The following NEK11 variants were observed in gnomAD, a reference collection of about 807,000 sequenced individuals.
The protein encoded by NEK11 is serine/threonine-protein kinase Nek11.
Under a neutral mutation model 80.7 loss-of-function variants are expected in NEK11, and 72 were observed. The ratio of observed to expected loss-of-function variants is 0.89; its 90% CI spans 0.74 to 1.08. The LOEUF is 1.08. Ranked by LOEUF, NEK11 falls within the 50% of genes least tolerant of loss-of-function variation. NEK11 has a pLI of 0.00. For synonymous variants in NEK11, 251 were observed against 260.7 expected, an observed-to-expected ratio of 0.96 and a Z score of 0.36; for missense variants, 764 against 763.6, an observed-to-expected ratio of 1.00 and a Z score of -0.01.
chr3:131,047,142 A>G (rs2067523709), intron 3 of NEK11, among the ~76,000 whole-genome samples: 1 of 152,068 alleles, frequency 6.6e-6, no homozygotes, highest in South Asian at 2.1e-4. Flanking sequence ...GTATCACTTT[A>G]TTATGTATTC....
At chr3:131,100,164 T>C (rs1402660389) in intron 4 of NEK11, among the ~76,000 whole-genome samples, 1 of 152,210 alleles carries the variant, frequency 6.6e-6, no homozygotes, top group African/African-American at 2.4e-5. Flanking sequence ...GTTTTTATCA[T>C]GGATGTTGGA....
chr3:131,279,410 GC>G (rs2096359082), intron 17 of NEK11, among the ~76,000 whole-genome samples: 1 of 152,080 alleles, frequency 6.6e-6, no homozygotes, highest in Non-Finnish European at 1.5e-5. Context: ...TAATTTACAT[GC>G]AGCAAAACTC....
intron 17 of NEK11, among the ~76,000 whole-genome samples, chr3:131,334,531 G>T (rs1443431264): frequency 6.6e-6 from 1 of 150,596 alleles, no homozygotes; most frequent in Non-Finnish European, 1.5e-5. Flanking sequence ...ATCCAAAATT[G>T]ACACCCTAAC....
chr3:131,210,488 T>C (rs554230088), intron 14 of NEK11, among the ~76,000 whole-genome samples: 1 of 152,332 alleles, frequency 6.6e-6, no homozygotes, highest in African/African-American at 2.4e-5. Context: ...GTCTATTAGG[T>C]CTGCTTGGTG....
intron 14 of NEK11, among the ~76,000 whole-genome samples, chr3:131,195,684 G>T (rs1213884347): frequency 6.6e-6 from 1 of 151,752 alleles, no homozygotes; most frequent in Non-Finnish European, 1.5e-5. Context: ...GGTCCCCGGA[G>T]TTGTACCATG....
At chr3:131,109,368 T>G (rs2079699526) in intron 4 of NEK11, 1 of 152,544 alleles carries the variant, frequency 6.6e-6, no homozygotes, top group Admixed American at 6.6e-5. Context: ...CCCTGTAAAC[T>G]CATGTGGGTT....
chr3:131,126,886 T>C (rs1010141609), intron 5 of NEK11, among the ~76,000 whole-genome samples: 1 of 151,960 alleles, frequency 6.6e-6, no homozygotes, highest in African/African-American at 2.4e-5. Context: ...TTTATATATA[T>C]ATTAGAACTT....
rs536652255 is a variant in NEK11, at chr3:131,338,275, T to TTG, written c.1719-11281_1719-11280insGT. On this transcript the variant is annotated intron_variant, in intron 17 of 17. Coordinates refer to ENST00000383366, the MANE Select transcript of NEK11 (RefSeq NM_024800.5). Reference sequence around the variant, plus strand: ...CCACGGCGCCCAGCTGGTTTTTTTTTTTTTTTTTTTTTTTTTAATACTAAG... The same window carrying TTG: ...CCACGGCGCCCAGCTGGTTTTTTTTTTGTTTTTTTTTTTTTTTTAATACTAAG... 1.9e-3 allele frequency among the ~76,000 whole-genome samples: 280 copies of TTG among 148,184 alleles called. 2 individuals carry two copies. Among genetic ancestry groups the TTG allele is most frequent in the African/African-American group, 6.7e-3 (270 of 40,174 alleles).
chr3:131,235,688 A>G (rs2095419302), intron 15 of NEK11, among the ~76,000 whole-genome samples: 1 of 152,156 alleles, frequency 6.6e-6, no homozygotes, highest in South Asian at 2.1e-4. Context: ...AACCCTTTAC[A>G]TGCCTTATCC....
intron 3 of NEK11, among the ~76,000 whole-genome samples, chr3:131,059,567 T>C (rs899034425): frequency 1.3e-5 from 2 of 152,366 alleles, no homozygotes; most frequent in African/African-American, 4.8e-5. Context: ...CATTTAATTA[T>C]TCCATATAGC....
intron 3 of NEK11, among the ~76,000 whole-genome samples, chr3:131,036,056 G>A (rs2065591742): frequency 6.6e-6 from 1 of 152,158 alleles, no homozygotes; most frequent in African/African-American, 2.4e-5. Context: ...CATCCAACCT[G>A]TGGTCTTTTC....
intron 6 of NEK11, 63 bp from the exon 7 acceptor site, chr3:131,133,767 T>C: frequency 7.1e-7 from 1 of 1,401,676 alleles, no homozygotes; most frequent in African/African-American, 1.4e-5. Context: ...ATTCAGTTGT[T>C]AATTTCCAGG....
intron 17 of NEK11, among the ~76,000 whole-genome samples, chr3:131,347,265 C>T (rs557461672): frequency 3.3e-5 from 5 of 152,182 alleles, no homozygotes; most frequent in Non-Finnish European, 5.9e-5. Flanking sequence ...TACGAAAAAC[C>T]TGCTTATTCT....
At chr3:131,232,979 G>GGGAAGGAA (rs55987547) in intron 15 of NEK11, among the ~76,000 whole-genome samples, 3,014 of 132,674 alleles carry the variant, frequency 0.023, 46 homozygotes, top group African/African-American at 0.029. Flanking sequence ...TATATTTGAG[G>GGGAAGGAA]GGAAGGAAGG....
intron 3 of NEK11, among the ~76,000 whole-genome samples, chr3:131,077,179 TC>T (rs767177959): frequency 8.5e-5 from 13 of 152,204 alleles, no homozygotes; most frequent in Non-Finnish European, 1.3e-4. Context: ...TTGAAATTTC[TC>T]CTGAGTTGAG....
intron 5 of NEK11, among the ~76,000 whole-genome samples, chr3:131,130,326 G>A (rs144080001): frequency 9.2e-5 from 14 of 152,034 alleles, no homozygotes; most frequent in African/African-American, 3.4e-4. Context: ...AATTCCAGGA[G>A]GTTTTTTTAA....
chr3:131,069,541 G>A (rs1384756470), intron 3 of NEK11, among the ~76,000 whole-genome samples: 1 of 151,852 alleles, frequency 6.6e-6, no homozygotes, highest in East Asian at 1.9e-4. Context: ...TGTTTATTGC[G>A]GCATTATTCG....
intron 3 of NEK11, among the ~76,000 whole-genome samples, chr3:131,043,109 G>A (rs1170990483): frequency 6.6e-6 from 1 of 152,102 alleles, no homozygotes; most frequent in South Asian, 2.1e-4. Flanking sequence ...TCATCCAAAG[G>A]TCACCAACAG....
intron 17 of NEK11, among the ~76,000 whole-genome samples, chr3:131,324,363 T>C (rs578100130): frequency 6.6e-6 from 1 of 152,210 alleles, no homozygotes; most frequent in Admixed American, 6.5e-5. Flanking sequence ...CACTCTTAAC[T>C]AAGGAAGCTG....
Sources: allele counts gnomAD v4.1 joint callset (sites outside exome capture counted in the v4.1 genomes callset), GRCh38; gene constraint gnomAD v4.1.1; transcripts MANE v1.5; gene names NCBI Gene and HGNC (gene_info 2026-07-23, HGNC 2026-07-21).